The following CCDC171 variants were observed in gnomAD, a reference collection of about 807,000 sequenced individuals.
CCDC171 encodes coiled-coil domain-containing protein 171.
CCDC171 carries 177 observed loss-of-function variants against 168.2 expected under a neutral mutation model. That is an observed-to-expected ratio of 1.05 (90% CI 0.93 to 1.19). The LOEUF (loss-of-function observed/expected upper bound fraction) is 1.19. Among genes scored for constraint, CCDC171 ranks in the 50% most tolerant of loss-of-function variants. The probability of loss-of-function intolerance (pLI) is 0.00; values close to 1 mark genes in which losing one functional copy is unlikely to be tolerated. For synonymous variants in CCDC171, 687 were observed against 540.8 expected, an observed-to-expected ratio of 1.27 and a Z score of -3.75; for missense variants, 1,991 against 1,539.0, an observed-to-expected ratio of 1.29 and a Z score of -4.91.
intron 2 of CCDC171, among the ~76,000 whole-genome samples, chr9:15,569,846 C>CAAAACAAG (rs1563957637): frequency 1.4e-5 from 2 of 139,726 alleles, no homozygotes; most frequent in African/African-American, 5.4e-5. Flanking sequence ...AACAAACAAA[C>CAAAACAAG]AAAAAAAAAA....
intron 16 of CCDC171, among the ~76,000 whole-genome samples, chr9:15,743,704 G>C (rs2055057033): frequency 1.3e-5 from 2 of 152,188 alleles, no homozygotes; most frequent in African/African-American, 4.8e-5. Context: ...ACTGTGTATA[G>C]CTTTCTGTCA....
chr9:15,915,234 G>A (rs1824326308), intron 24 of CCDC171, among the ~76,000 whole-genome samples: 1 of 152,118 alleles, frequency 6.6e-6, no homozygotes, highest in Admixed American at 6.6e-5. Flanking sequence ...TCATTTTAAC[G>A]ATATTAATCC....
chr9:15,605,281 A>C (rs2043136902), intron 6 of CCDC171, among the ~76,000 whole-genome samples: 1 of 152,112 alleles, frequency 6.6e-6, no homozygotes, highest in African/African-American at 2.4e-5. Context: ...TAAATAATCA[A>C]GGGCAGCAAG....
downstream of CCDC171, among the ~76,000 whole-genome samples, chr9:15,977,895 C>T (rs16933849): frequency 0.078 from 11,892 of 151,944 alleles, 1,514 homozygotes; most frequent in African/African-American, 0.27. Context: ...TGATCTAGGA[C>T]GAATGGAATT....
intron 6 of CCDC171, among the ~76,000 whole-genome samples, chr9:16,025,312 T>G (rs1586841253): frequency 2.0e-5 from 3 of 152,140 alleles, no homozygotes; most frequent in Admixed American, 2.0e-4. Context: ...TGTGGTCATG[T>G]GCGCCTGTAA....
At chr9:15,682,235 T>C (rs939985619) in intron 10 of CCDC171, among the ~76,000 whole-genome samples, 1 of 152,116 alleles carries the variant, frequency 6.6e-6, no homozygotes, top group African/African-American at 2.4e-5. Flanking sequence ...AGCCTTATGC[T>C]GTATCCTGGG....
intron 1 of CCDC171, among the ~76,000 whole-genome samples, chr9:15,554,549 G>A (rs918196062): frequency 2.0e-5 from 3 of 152,126 alleles, no homozygotes. Flanking sequence ...CTAGGCGTTA[G>A]GTTCTTTATC....
At chr9:16,024,437 GC>G (rs1049102343) in intron 6 of CCDC171, among the ~76,000 whole-genome samples, 1 of 152,080 alleles carries the variant, frequency 6.6e-6, no homozygotes, top group Non-Finnish European at 1.5e-5. Flanking sequence ...CAGAAGCTGG[GC>G]CCCCTATGAG....
rs79724275 is a variant in CCDC171, at chr9:16,028,247, C to T, written n.998+5339C>T. Among the ~76,000 whole-genome samples, 1,279 of 152,318 alleles carry T rather than the reference C, an allele frequency of 8.4e-3. 21 individuals are homozygous for T. The highest frequency in any genetic ancestry group is 0.029 in the African/African-American group (1,220 of 41,566). ...AAAGCCATGGAGCTATTGGAAGCTT[C>T]TTCCGTGGTGGATGGGTGGCATGAC... On this transcript the variant is annotated intron_variant and non_coding_transcript_variant, in intron 6 of 9. Transcript: ENST00000486641.
intron 1 of CCDC171, among the ~76,000 whole-genome samples, chr9:15,557,144 C>G (rs544648477): frequency 5.9e-5 from 9 of 152,070 alleles, no homozygotes; most frequent in East Asian, 1.9e-4. Flanking sequence ...GTGACTGTAG[C>G]CTTGTAGTAT....
At chr9:15,932,020 G>C (rs527390939) in intron 25 of CCDC171, among the ~76,000 whole-genome samples, 1 of 152,028 alleles carries the variant, frequency 6.6e-6, no homozygotes, top group East Asian at 1.9e-4. Context: ...AGTATATTTT[G>C]AAGTCAGGTA....
chr9:15,949,404 A>G (rs888411731), intron 25 of CCDC171, among the ~76,000 whole-genome samples: 3 of 152,174 alleles, frequency 2.0e-5, no homozygotes, highest in African/African-American at 4.8e-5. Flanking sequence ...TCTCTAAATT[A>G]CCTTGGGCAG....
intron 16 of CCDC171, among the ~76,000 whole-genome samples, chr9:15,735,504 A>G (rs533983409): frequency 8.5e-5 from 13 of 152,268 alleles, no homozygotes; most frequent in Admixed American, 1.3e-4. Context: ...CTTTAGATTT[A>G]TTTGACATTT....
chr9:16,106,754 C>CTAATGAGATATTTATTGTTTATTTAG, the CCDC171 span, among the ~76,000 whole-genome samples: 49 of 152,266 alleles, frequency 3.2e-4, no homozygotes, highest in African/African-American at 1.0e-3. Flanking sequence ...GTAAAATATG[C>CTAATGAGATATTTATTGTTTATTTAG]TAAACAATAA....
intron 7 of CCDC171, among the ~76,000 whole-genome samples, chr9:15,639,725 C>T (rs1268594941): frequency 6.6e-6 from 1 of 152,128 alleles, no homozygotes; most frequent in Non-Finnish European, 1.5e-5. Context: ...CATAGTTAAT[C>T]ATGATCAAGA....
chr9:15,868,258 A>T (rs1055016452), intron 23 of CCDC171, among the ~76,000 whole-genome samples: 9 of 151,962 alleles, frequency 5.9e-5, no homozygotes, highest in African/African-American at 2.2e-4. Flanking sequence ...CCACTTTTCA[A>T]ATTATGAGTT....
In CCDC171 at chr9:15,599,878, C is replaced by T. The variant is rs528120218; in HGVS notation, c.675+5706C>T. ...ACTCTTTTTTCTCTAAACTTCTCTT[C>T]TCACTTCATTTCATTCATTTGATCT... is the stretch of plus-strand genomic sequence containing the variant. On this transcript the variant is annotated intron_variant, in intron 6 of 25. Transcript: ENST00000380701. Among the ~76,000 whole-genome samples the T allele has an allele frequency of 1.2e-3, 188 of 152,290 alleles. 1 individual carries two copies. The highest frequency in any genetic ancestry group is 5.6e-3 in the Admixed American group (85 of 15,290).
rs148525785 is a variant in CCDC171 at position 15,729,218 on chromosome 9, C to T, written c.1861-392C>T. 5.4e-3 allele frequency among the ~76,000 whole-genome samples: 826 copies of T among 152,174 alleles called. 9 individuals carry two copies. Among genetic ancestry groups the T allele is most frequent in the African/African-American group, 0.018 (759 of 41,542 alleles). ...AACAAAAAATGGTTAGAACATTCTG[C>T]TTTATTTCATGTAAACTGTTTGCAG... On this transcript the variant is annotated intron_variant, in intron 15 of 25. Coordinates refer to ENST00000380701, the MANE Select transcript of CCDC171 (RefSeq NM_173550.4).
rs1315731689 is a variant in CCDC171, at chr9:15,623,419, T to C, written c.822+6T>C. On this transcript the variant is annotated splice_donor_region_variant and intron_variant, in intron 7 of 25. Coordinates refer to ENST00000380701, the MANE Select transcript of CCDC171 (RefSeq NM_173550.4). ...GCCTTAGAAAAGAATTTGAGGTACATTTTCTCATTCCTTTATAATATATAT... is the reference window on the plus strand; with the variant it reads ...GCCTTAGAAAAGAATTTGAGGTACACTTTCTCATTCCTTTATAATATATAT... The C allele has an allele frequency of 1.3e-6, 2 of 1,593,860 alleles. No individual in the cohort carries two copies. Among genetic ancestry groups the C allele is most frequent in the Admixed American group, 1.7e-5 (1 of 57,958 alleles).
Sources: allele counts gnomAD v4.1 joint callset (sites outside exome capture counted in the v4.1 genomes callset), GRCh38; gene constraint gnomAD v4.1.1; transcripts MANE v1.5; gene names NCBI Gene and HGNC (gene_info 2026-07-23, HGNC 2026-07-21).